Variants in HPGDS observed in about 807,000 individuals in gnomAD.
HPGDS encodes hematopoietic prostaglandin D synthase.
HPGDS carries 26 observed loss-of-function variants against 23.1 expected under a neutral mutation model. That is an observed-to-expected ratio of 1.13 (90% CI 0.83 to 1.56). The LOEUF (loss-of-function observed/expected upper bound fraction) is 1.56, where lower values mean the gene tolerates loss of function less well. HPGDS is among the 40% of genes most tolerant of loss of function. The probability of loss-of-function intolerance (pLI) is 0.00; values close to 1 mark genes in which losing one functional copy is unlikely to be tolerated. For missense variants in HPGDS, 268 were observed against 236.4 expected (o/e 1.13, Z -0.88); for synonymous variants, 95 against 77.9 (o/e 1.22, Z -1.16).
Position 94,302,223 on chromosome 4 carries a change from G to A in HPGDS, c.358C>T (p.Leu120Phe), listed in dbSNP as rs964756678. The change falls in exon 5 of 6, where the codon CTC becomes TTC. Residue 120 changes from leucine (L) to phenylalanine (F), a missense_variant. By Grantham distance (22) the Leu-to-Phe change is conservative (BLOSUM62 0). Coordinates refer to ENST00000295256, the MANE Select transcript of HPGDS (RefSeq NM_014485.3). ...ATAAGATGAGGCGCATTATACGTGA[G>A]CAGCTCATTGAACATCTGCTCCTAG... Reference protein sequence around the residue: ...DVKEQMFNELLTYNAPHLMQD... With the variant: ...DVKEQMFNELFTYNAPHLMQD... 3 of 1,611,684 alleles carry A rather than the reference G, an allele frequency of 1.9e-6. No homozygotes were observed. Among genetic ancestry groups the A allele is most frequent in the Non-Finnish European group, 2.5e-6 (3 of 1,178,398 alleles).
intron 4 of HPGDS, among the ~76,000 whole-genome samples, chr4:94,304,554 AC>A (rs1374301720): frequency 8.5e-5 from 13 of 152,082 alleles, no homozygotes; most frequent in African/African-American, 2.7e-4. Flanking sequence ...TGAAATTTTC[AC>A]CTGACCACAA....
intron 1 of HPGDS, among the ~76,000 whole-genome samples, chr4:94,337,749 G>C (rs1314564276): frequency 6.6e-6 from 1 of 152,180 alleles, no homozygotes; most frequent in Non-Finnish European, 1.5e-5. Context: ...TTACCACATA[G>C]ATACCAGTGT....
At chr4:94,331,108 G>A (rs574263202) in intron 2 of HPGDS, among the ~76,000 whole-genome samples, 1 of 152,320 alleles carries the variant, frequency 6.6e-6, no homozygotes, top group East Asian at 1.9e-4. Flanking sequence ...GTTGAAGTGT[G>A]GCTGCTGGGA....
intron 2 of HPGDS, among the ~76,000 whole-genome samples, chr4:94,322,045 T>C (rs1756522033): frequency 6.6e-6 from 1 of 152,212 alleles, no homozygotes; most frequent in African/African-American, 2.4e-5. Context: ...TCTTTGGTTC[T>C]GTTAAGGTGA....
chr4:94,341,630 T>C (rs969228147), intron 1 of HPGDS, among the ~76,000 whole-genome samples: 2 of 152,200 alleles, frequency 1.3e-5, no homozygotes, highest in Non-Finnish European at 2.9e-5. Context: ...TCAAACATAT[T>C]TGGGCATTCC....
At chr4:94,340,637 C>A (rs1270594811) in intron 1 of HPGDS, among the ~76,000 whole-genome samples, 1 of 87,786 alleles carries the variant, frequency 1.1e-5, no homozygotes, top group African/African-American at 4.6e-5. Context: ...CCGGGCCCGG[C>A]CCGCCCCCCT....
chr4:94,342,337 C>T (rs1231574932), intron 1 of HPGDS, among the ~76,000 whole-genome samples: 1 of 151,966 alleles, frequency 6.6e-6, no homozygotes, highest in East Asian at 1.9e-4. Context: ...GGAGATGCTT[C>T]AACAAAATGT....
At chr4:94,340,841 T>C (rs1017878886) in intron 1 of HPGDS, among the ~76,000 whole-genome samples, 9 of 132,436 alleles carry the variant, frequency 6.8e-5, no homozygotes, top group Non-Finnish European at 1.3e-4. Flanking sequence ...TTCTTTTTTT[T>C]TTTCTTTCTT....
At chr4:94,332,378 C>T (rs1019162764) in intron 2 of HPGDS, among the ~76,000 whole-genome samples, 39 of 152,240 alleles carry the variant, frequency 2.6e-4, no homozygotes, top group Admixed American at 2.4e-3. Context: ...GGCTGTCGCA[C>T]TGGCCTTTTG....
At chr4:94,309,926 T>C (rs1290100177) in intron 3 of HPGDS, among the ~76,000 whole-genome samples, 2 of 152,238 alleles carry the variant, frequency 1.3e-5, no homozygotes, top group Non-Finnish European at 2.9e-5. Context: ...CATAAATGTC[T>C]TCTTTTGAGA....
chr4:94,330,099 C>T (rs1167452063), intron 2 of HPGDS, among the ~76,000 whole-genome samples: 3 of 152,112 alleles, frequency 2.0e-5, no homozygotes, highest in Non-Finnish European at 4.4e-5. Flanking sequence ...TTGGAGGATA[C>T]CTACGTGAGT....
chr4:94,340,845 C>CTTTTT lies in HPGDS; in HGVS notation c.-10+1949_-10+1950insAAAAA, dbSNP rs1355637850. On this transcript the variant is annotated intron_variant, in intron 1 of 5. Transcript: ENST00000295256. ...GGCAAATTTTTTTCTTTTTTTTTTTCTTTCTTTTTTTTTTTTTGAGACGGA... is the reference window on the plus strand; with the variant it reads ...GGCAAATTTTTTTCTTTTTTTTTTTCTTTTTTTTCTTTTTTTTTTTTTGAGACGGA... 4.1e-5 allele frequency among the ~76,000 whole-genome samples: 4 copies of CTTTTT among 97,152 alleles called. 1 individual carries two copies. The highest frequency in any genetic ancestry group is 1.1e-4 in the Admixed American group (1 of 9,206). The allele number at this position is 97,152 out of a possible 152,430, so 63.7% of individuals were successfully genotyped here.
intron 2 of HPGDS, among the ~76,000 whole-genome samples, chr4:94,324,629 C>T (rs1182166519): frequency 6.6e-6 from 1 of 152,160 alleles, no homozygotes; most frequent in Non-Finnish European, 1.5e-5. Context: ...AAGGTCTTCT[C>T]TACACTGTTT....
intron 2 of HPGDS, among the ~76,000 whole-genome samples, chr4:94,327,838 T>TG (rs1756663551): frequency 6.6e-6 from 1 of 152,058 alleles, no homozygotes; most frequent in Non-Finnish European, 1.5e-5. Flanking sequence ...TGGGTTGTTG[T>TG]GGGGGGATGT....
intron 3 of HPGDS, among the ~76,000 whole-genome samples, chr4:94,309,765 A>G (rs1196435638): frequency 6.6e-6 from 1 of 151,226 alleles, no homozygotes; most frequent in Non-Finnish European, 1.5e-5. Flanking sequence ...AAGTGTTCCT[A>G]TTTCTCCACA....
chr4:94,313,048 G>A (rs1450372703), intron 3 of HPGDS, among the ~76,000 whole-genome samples: 1 of 152,036 alleles, frequency 6.6e-6, no homozygotes, highest in Admixed American at 6.6e-5. Flanking sequence ...CGTGAGATGG[G>A]TTTCCTGAAT....
chr4:94,334,533 T>C lies in HPGDS; in HGVS notation c.97A>G (p.Arg33Gly), dbSNP rs1243204984. ...AYLDIQYEDHRIEQADWPEIK... is the reference protein window; with the variant it reads ...AYLDIQYEDHGIEQADWPEIK... Reference sequence around the variant, plus strand: ...TCAGGCCAGTCAGCTTGTTCTATTCTGTGGTCTTCATACTGTATGTCCAAA... The same window carrying C: ...TCAGGCCAGTCAGCTTGTTCTATTCCGTGGTCTTCATACTGTATGTCCAAA... Residue 33 changes from arginine to glycine, a missense_variant, in exon 2 of 6, where the codon AGA (arginine) becomes GGA (glycine). Transcript: ENST00000295256. The C allele has an allele frequency of 1.2e-6, 2 of 1,612,146 alleles. No individual in the cohort carries two copies. The highest frequency in any genetic ancestry group is 1.7e-5 in the Admixed American group (1 of 59,780).
intron 4 of HPGDS, among the ~76,000 whole-genome samples, chr4:94,306,821 A>G (rs1207709399): frequency 6.6e-6 from 1 of 152,116 alleles, no homozygotes; most frequent in Non-Finnish European, 1.5e-5. Context: ...CAACATCTGA[A>G]TTACTGGAAT....
chr4:94,316,588 T>C (rs747497095), intron 3 of HPGDS, among the ~76,000 whole-genome samples: 36 of 152,260 alleles, frequency 2.4e-4, no homozygotes, highest in Non-Finnish European at 4.4e-4. Context: ...CTTCTAGATC[T>C]TTCTAATCAG....
Sources: allele counts gnomAD v4.1 joint callset (sites outside exome capture counted in the v4.1 genomes callset), GRCh38; gene constraint gnomAD v4.1.1; transcripts MANE v1.5; gene names NCBI Gene and HGNC (gene_info 2026-07-23, HGNC 2026-07-21).